The following BRD9 variants were observed in gnomAD, a reference collection of about 807,000 sequenced individuals.
BRD9 encodes the protein bromodomain-containing protein 9.
BRD9 carries 47 observed loss-of-function variants against 68.7 expected under a neutral mutation model. The ratio of observed to expected loss-of-function variants is 0.68; its 90% confidence interval spans 0.54 to 0.87. The LOEUF is 0.87. BRD9 is among the 40% of genes least tolerant of loss of function. The pLI, the probability that BRD9 is intolerant of heterozygous loss-of-function variation, is 0.00. For missense variants in BRD9, 670 were observed against 748.4 expected (o/e 0.90, Z 1.22); for synonymous variants, 313 against 293.9 (o/e 1.06, Z -0.67).
chr5:886,154 C>T (rs1289497897), intron 7 of BRD9, among the ~76,000 whole-genome samples: 1 of 152,216 alleles, frequency 6.6e-6, no homozygotes, highest in Non-Finnish European at 1.5e-5. Flanking sequence ...GACACAGAAG[C>T]GAGCAGTTCA....
chr5:881,257 G>C lies in BRD9; in HGVS notation c.967-75C>G, dbSNP rs966290538. ...GCACAAATGAAATGAAGACCAACAAGCAGGGCTTAATGGGGGTGAAAGCAC... is the reference window on the plus strand; with the variant it reads ...GCACAAATGAAATGAAGACCAACAACCAGGGCTTAATGGGGGTGAAAGCAC... On this transcript the variant is annotated intron_variant, in intron 8 of 15. Transcript: ENST00000467963. The C allele has an allele frequency of 4.0e-5, 56 of 1,416,488 alleles. No individual in the cohort carries two copies. In the African/African-American group the frequency reaches 6.4e-4, roughly 16 times the overall value. 87.7% of individuals were successfully genotyped at this position (1,416,488 alleles called of 1,614,324 possible).
intron 8 of BRD9, 89 bp from the exon 9 acceptor site, chr5:881,271 G>A: frequency 3.2e-6 from 4 of 1,244,078 alleles, no homozygotes; most frequent in Admixed American, 2.0e-5. Flanking sequence ...GGCTTAATGG[G>A]GGTGAAAGCA....
intron 3 of BRD9, among the ~76,000 whole-genome samples, chr5:890,728 G>C (rs993990803): frequency 6.6e-6 from 1 of 152,114 alleles, no homozygotes; most frequent in African/African-American, 2.4e-5. Context: ...GACCCAGATG[G>C]GGCTACTGTT....
intron 11 of BRD9, among the ~76,000 whole-genome samples, chr5:878,115 C>T (rs1751239076): frequency 6.6e-6 from 1 of 152,190 alleles, no homozygotes; most frequent in African/African-American, 2.4e-5. Flanking sequence ...TCAACACACC[C>T]CCAACCCCTT....
chr5:869,399 AAGAAACTGAG>A (rs1240406113), intron 14 of BRD9: 1 of 455,004 alleles, frequency 2.2e-6, no homozygotes, highest in African/African-American at 2.0e-5. Context: ...CAGGCCCTGA[AAGAAACTGAG>A]TATTTTATCT....
At position 892,755 on chromosome 5, in the gene BRD9, C is replaced by CGCTCGCTGCGCCGAGGTTGCCGA; in HGVS notation, c.-121_-99dup. On this transcript the variant is annotated 5_prime_UTR_variant, in exon 1 of 16. Transcript: ENST00000467963. ...CCCCCTGGCCCTGGCTGGCCGCCCGCGCTCGCTGCGCCGAGGTTGCCGAGC... is the reference window on the plus strand; with the variant it reads ...CCCCCTGGCCCTGGCTGGCCGCCCGCGCTCGCTGCGCCGAGGTTGCCGAGCTCGCTGCGCCGAGGTTGCCGAGC... 8.6e-7 allele frequency: 1 copy of CGCTCGCTGCGCCGAGGTTGCCGA among 1,165,204 alleles called. No homozygotes were observed. The highest frequency in any genetic ancestry group is 4.1e-5 in the South Asian group (1 of 24,410). 72.2% of individuals were successfully genotyped at this position (1,165,204 alleles called of 1,614,324 possible). A position where few individuals can be genotyped will look rare whatever the true frequency, so the allele number is the denominator to read the frequency against.
At chr5:887,571 C>T (rs1024524610) in intron 5 of BRD9, 100 bp from the exon 6 acceptor site, 18 of 905,930 alleles carry the variant, frequency 2.0e-5, no homozygotes, top group Admixed American at 1.4e-4. Context: ...AAGCTACAAT[C>T]GAGTAGAAAA....
intron 11 of BRD9, among the ~76,000 whole-genome samples, chr5:878,030 T>C (rs900551181): frequency 6.6e-6 from 1 of 152,156 alleles, no homozygotes; most frequent in Non-Finnish European, 1.5e-5. Context: ...AAGACCCCAG[T>C]CTGTGGTGCT....
At chr5:869,075 GCT>G (rs1199929012) in intron 14 of BRD9, 9 of 285,374 alleles carry the variant, frequency 3.2e-5, no homozygotes, top group Non-Finnish European at 6.8e-6. Context: ...CCAGACTTGA[GCT>G]CTATGAATTT....
chr5:892,518 T>G, intron 1 of BRD9, 88 bp downstream of exon 1: 1 of 1,493,368 alleles, frequency 6.7e-7, no homozygotes, highest in Non-Finnish European at 8.9e-7. Flanking sequence ...CCTCGCCCGG[T>G]GCCCAGGACC....
In BRD9 at chr5:887,472, C is replaced by T; in HGVS notation, c.607-1G>A. 1 of 1,610,582 alleles carries T rather than the reference C, an allele frequency of 6.2e-7. No individual in the cohort carries two copies. The highest frequency in any genetic ancestry group is 1.1e-5 in the South Asian group (1 of 90,980). ...TATCACACATCAGCTTGAAATCTGCCTGAAAAGAAAACAGGAAAGACTTAT... is the reference window on the plus strand; with the variant it reads ...TATCACACATCAGCTTGAAATCTGCTTGAAAAGAAAACAGGAAAGACTTAT... On this transcript the variant is annotated splice_acceptor_variant, in intron 5 of 15. Coordinates refer to ENST00000467963, the MANE Select transcript of BRD9 (RefSeq NM_023924.5). LOFTEE classifies it high-confidence loss of function.
chr5:878,304 GCA>G lies in BRD9; in HGVS notation c.1271+49_1271+50del, dbSNP rs768451401. 5 of 1,604,342 alleles carry G rather than the reference GCA, an allele frequency of 3.1e-6. No homozygotes were observed. In the South Asian group the frequency reaches 5.5e-5, roughly 18 times the overall value. On this transcript the variant is annotated intron_variant, in intron 11 of 15. Transcript: ENST00000467963. ...GTGGGACTCCACGTCCCACACCAGG[GCA>G]CAGCTCAAGCTGCACAGCAGCCAAG...
chr5:886,601 T>C lies in BRD9; in HGVS notation c.824A>G (p.Glu275Gly), dbSNP rs761179921. The change falls in exon 7 of 16, where the codon GAA becomes GGA. Residue 275 changes from glutamate to glycine, a missense_variant. Around this residue, in one of 5 missense-constraint regions of BRD9, gnomAD observed 135 missense variants for 141.2 expected, o/e 0.96. Coordinates refer to ENST00000467963, the MANE Select transcript of BRD9 (RefSeq NM_023924.5). ...TCCACAGAACCTTTACCTGATAACTTCTCTACTCGGCTTTTTGGATTTCTT... is the reference window on the plus strand; with the variant it reads ...TCCACAGAACCTTTACCTGATAACTCCTCTACTCGGCTTTTTGGATTTCTT... The part of the protein sequence containing the change: ...TAKKSKKPSR[E>G]VISCMFEPEG... 6.2e-7 allele frequency: 1 copy of C among 1,613,764 alleles called. No individual in the cohort carries two copies. The highest frequency in any genetic ancestry group is 1.1e-5 in the South Asian group (1 of 91,010).
At chr5:885,089 G>A (rs778477213) in intron 7 of BRD9, among the ~76,000 whole-genome samples, 2 of 152,188 alleles carry the variant, frequency 1.3e-5, no homozygotes, top group Non-Finnish European at 2.9e-5. Context: ...ATTCCCCCTC[G>A]ATGCTCAGTC....
rs565324162 is a variant in BRD9, at chr5:873,285, A to G, written c.1384-1721T>C. On this transcript the variant is annotated intron_variant, in intron 12 of 15. Coordinates refer to ENST00000467963, the MANE Select transcript of BRD9 (RefSeq NM_023924.5). Reference sequence around the variant, plus strand: ...CCCAACAAACTAATCTACTGGCATGAAGGGCTCAGATAAGGAGAAACTGAA... The same window carrying G: ...CCCAACAAACTAATCTACTGGCATGGAGGGCTCAGATAAGGAGAAACTGAA... Among the ~76,000 whole-genome samples, 138 of 152,316 alleles carry G rather than the reference A, an allele frequency of 9.1e-4. 1 individual carries two copies. Among genetic ancestry groups the G allele is most frequent in the African/African-American group, 3.2e-3 (135 of 41,572 alleles).
chr5:888,929 A>C, intron 5 of BRD9, 92 bp downstream of exon 5: 3 of 1,369,258 alleles, frequency 2.2e-6, no homozygotes, highest in Non-Finnish European at 3.0e-6. Context: ...AAAGCTCAAA[A>C]ACTAGAAATG....
chr5:880,971 G>A, intron 9 of BRD9, 136 bp downstream of exon 9: 5 of 858,732 alleles, frequency 5.8e-6, no homozygotes, highest in Middle Eastern at 2.3e-4. Flanking sequence ...ACGTTGGGGT[G>A]CGAGCAAGGT....
chr5:892,399 T>G, intron 1 of BRD9: 3 of 1,204,132 alleles, frequency 2.5e-6, no homozygotes, highest in Non-Finnish European at 3.3e-6. Context: ...CAGAACCCTC[T>G]ACCAGGAACG....
intron 14 of BRD9, among the ~76,000 whole-genome samples, chr5:869,991 T>C (rs983652103): frequency 1.3e-5 from 2 of 152,246 alleles, no homozygotes; most frequent in African/African-American, 4.8e-5. Flanking sequence ...AGTTTGACTC[T>C]TCTGTCCACA....
Sources: allele counts gnomAD v4.1 joint callset (sites outside exome capture counted in the v4.1 genomes callset), GRCh38; gene constraint gnomAD v4.1.1; regional missense constraint gnomAD v4.1.1; transcripts MANE v1.5; gene names NCBI Gene and HGNC (gene_info 2026-07-23, HGNC 2026-07-21).